HIVEP2: variants seen among roughly 807,000 people sequenced by gnomAD.
HIVEP2 encodes HIVEP zinc finger 2.
A neutral mutation model predicts 180.7 loss-of-function variants in HIVEP2; 14 were observed. The observed-to-expected ratio is 0.08, with a 90% confidence interval of 0.05 to 0.12. HIVEP2 has a LOEUF of 0.12. HIVEP2 is among the 10% of genes least tolerant of loss of function. HIVEP2 has a pLI of 1.00. For missense variants in HIVEP2, 2,579 were observed against 3,008.5 expected, an observed-to-expected ratio of 0.86 and a Z score of 3.34; for synonymous variants, 1,184 against 1,136.4, an observed-to-expected ratio of 1.04 and a Z score of -0.84.
intron 2 of HIVEP2, among the ~76,000 whole-genome samples, chr6:142,813,826 A>G (rs1776762115): frequency 6.6e-6 from 1 of 151,926 alleles, no homozygotes; most frequent in Admixed American, 6.6e-5. Flanking sequence ...TCAGCCTCCC[A>G]AAGTGCTGGG....
At chr6:142,915,948 C>T (rs1314420480) in intron 1 of HIVEP2, among the ~76,000 whole-genome samples, 2 of 152,324 alleles carry the variant, frequency 1.3e-5, no homozygotes, top group Admixed American at 6.5e-5. Flanking sequence ...CTGGCTTTCC[C>T]CTTAGTGAGC....
chr6:142,793,641 T>C (rs1365318031), intron 2 of HIVEP2, among the ~76,000 whole-genome samples: 1 of 37,374 alleles, frequency 2.7e-5, no homozygotes, highest in Non-Finnish European at 5.3e-5. Context: ...TCTTTCTTTC[T>C]TTCTTTCTTT....
chr6:142,799,552 T>A (rs985369941), intron 2 of HIVEP2, among the ~76,000 whole-genome samples: 6 of 152,154 alleles, frequency 3.9e-5, no homozygotes, highest in African/African-American at 1.4e-4. Context: ...TAGTCACTAT[T>A]GAAGTGACTA....
At chr6:142,938,438 T>C (rs1013343720) in intron 1 of HIVEP2, among the ~76,000 whole-genome samples, 1 of 152,252 alleles carries the variant, frequency 6.6e-6, no homozygotes, top group Non-Finnish European at 1.5e-5. Context: ...TGAACAAAGC[T>C]ACTTACAGTT....
intron 1 of HIVEP2, among the ~76,000 whole-genome samples, chr6:142,872,644 C>A (rs1776321512): frequency 6.6e-6 from 1 of 152,064 alleles, no homozygotes; most frequent in Non-Finnish European, 1.5e-5. Flanking sequence ...TATCTAACAA[C>A]CAAAGGAAAC....
chr6:142,845,380 C>T (rs1038373176), intron 1 of HIVEP2, among the ~76,000 whole-genome samples: 1 of 152,126 alleles, frequency 6.6e-6, no homozygotes, highest in African/African-American at 2.4e-5. Context: ...AACAATTAAT[C>T]AACAATAAGT....
At chr6:142,845,446 C>T (rs185786580) in intron 1 of HIVEP2, among the ~76,000 whole-genome samples, 10 of 152,120 alleles carry the variant, frequency 6.6e-5, no homozygotes, top group Admixed American at 3.3e-4. Context: ...TGTATATATA[C>T]GTATGTCTTT....
chr6:142,783,358 T>G (rs1582854859), intron 3 of HIVEP2, among the ~76,000 whole-genome samples, 163 bp downstream of exon 3: 1 of 138,980 alleles, frequency 7.2e-6, no homozygotes. Context: ...AAAAGACTAG[T>G]CTACTATGAA....
chr6:142,862,539 C>A (rs1377383387), intron 1 of HIVEP2, among the ~76,000 whole-genome samples: 1 of 144,090 alleles, frequency 6.9e-6, no homozygotes, highest in African/African-American at 2.6e-5. Context: ...TTATGTGTAT[C>A]ATATATTTTA....
chr6:142,836,296 C>T (rs1383121720), intron 2 of HIVEP2, among the ~76,000 whole-genome samples: 1 of 152,068 alleles, frequency 6.6e-6, no homozygotes, highest in African/African-American at 2.4e-5. Context: ...CTTTACTATA[C>T]TGACATTTTA....
chr6:142,902,209 T>G (rs1442194109), intron 1 of HIVEP2, among the ~76,000 whole-genome samples: 3 of 151,918 alleles, frequency 2.0e-5, no homozygotes, highest in Non-Finnish European at 4.4e-5. Flanking sequence ...CCTGGCAGAG[T>G]CTACCATAAC....
intron 1 of HIVEP2, among the ~76,000 whole-genome samples, chr6:142,846,654 C>G (rs1775523156): frequency 6.6e-6 from 1 of 152,216 alleles, no homozygotes; most frequent in Non-Finnish European, 1.5e-5. Context: ...ACCTCTCAGT[C>G]ACAAAGATGA....
chr6:142,897,654 G>A (rs1582950151), intron 1 of HIVEP2, among the ~76,000 whole-genome samples: 1 of 152,144 alleles, frequency 6.6e-6, no homozygotes, highest in East Asian at 1.9e-4. Context: ...AAAAGTAATA[G>A]ATATGGTGTT....
At chr6:142,802,306 C>T (rs1776433635) in intron 2 of HIVEP2, among the ~76,000 whole-genome samples, 1 of 152,058 alleles carries the variant, frequency 6.6e-6, no homozygotes, top group South Asian at 2.1e-4. Context: ...ACAGGGACTT[C>T]CCCCCACATT....
intron 1 of HIVEP2, among the ~76,000 whole-genome samples, chr6:142,854,969 CTTCT>C (rs1195895565): frequency 6.6e-6 from 1 of 152,190 alleles, no homozygotes; most frequent in Non-Finnish European, 1.5e-5. Context: ...CGTTAAGTAA[CTTCT>C]TTCTGGTCCT....
chr6:142,755,668 C>A (rs1205935206), intron 9 of HIVEP2, among the ~76,000 whole-genome samples: 1 of 152,172 alleles, frequency 6.6e-6, no homozygotes, highest in Non-Finnish European at 1.5e-5. Flanking sequence ...ATCCCCAAAT[C>A]CAGGCTGACA....
At chr6:142,812,908 C>A (rs1003938462) in intron 2 of HIVEP2, among the ~76,000 whole-genome samples, 1 of 152,072 alleles carries the variant, frequency 6.6e-6, no homozygotes, top group African/African-American at 2.4e-5. Flanking sequence ...GAAGACACAG[C>A]AATAAAAATG....
At chr6:142,835,591 G>C (rs1406631837) in intron 2 of HIVEP2, among the ~76,000 whole-genome samples, 1 of 152,032 alleles carries the variant, frequency 6.6e-6, no homozygotes, top group Non-Finnish European at 1.5e-5. Context: ...CTTCCTAATG[G>C]GTTTTTCATC....
At chr6:142,814,095 G>C (rs1776771495) in intron 2 of HIVEP2, among the ~76,000 whole-genome samples, 1 of 151,820 alleles carries the variant, frequency 6.6e-6, no homozygotes, top group Admixed American at 6.6e-5. Flanking sequence ...TAAGTGTGCT[G>C]GTGAGAGGGA....
Sources: allele counts gnomAD v4.1 joint callset (sites outside exome capture counted in the v4.1 genomes callset), GRCh38; gene constraint gnomAD v4.1.1; transcripts MANE v1.5; gene names NCBI Gene and HGNC (gene_info 2026-07-23, HGNC 2026-07-21).